EYS: variants seen among roughly 807,000 people sequenced by gnomAD.
EYS encodes protein eyes shut homolog.
A neutral mutation model predicts 282.1 loss-of-function variants in EYS; 250 were observed. The observed-to-expected ratio is 0.89, with a 90% CI of 0.80 to 0.98. The LOEUF (loss-of-function observed/expected upper bound fraction) is 0.98, where lower values mean the gene tolerates loss of function less well. Ranked by LOEUF, EYS falls within the 50% of genes least tolerant of loss-of-function variation. The pLI is 0.00. For missense variants in EYS, 4,016 were observed against 3,709.0 expected (o/e 1.08, Z -2.15); for synonymous variants, 1,355 against 1,282.9 (o/e 1.06, Z -1.20).
At chr6:63,970,671 C>T (rs76155947) in intron 35 of EYS, among the ~76,000 whole-genome samples, 4,717 of 152,024 alleles carry the variant, frequency 0.031, 208 homozygotes, top group African/African-American at 0.1. Context: ...ATGGAGCACA[C>T]CTTGCTGACA....
At chr6:64,450,720 A>T (rs896708328) in intron 26 of EYS, among the ~76,000 whole-genome samples, 4 of 152,184 alleles carry the variant, frequency 2.6e-5, no homozygotes, top group Admixed American at 2.0e-4. Context: ...AAACCACTCA[A>T]CTACATGGAA....
chr6:64,576,555 G>A (rs951408237), intron 26 of EYS, among the ~76,000 whole-genome samples: 2 of 152,002 alleles, frequency 1.3e-5, no homozygotes, highest in Non-Finnish European at 2.9e-5. Context: ...TATTTATGGG[G>A]AAAGGTCTTT....
At chr6:65,320,233 A>G (rs995440112) in intron 11 of EYS, among the ~76,000 whole-genome samples, 6 of 82,174 alleles carry the variant, frequency 7.3e-5, no homozygotes, top group African/African-American at 2.3e-4. Context: ...TTGGGCTGCG[A>G]GTCAGCCAAT....
At position 64,996,001 on chromosome 6, in the gene EYS, A is replaced by G. The variant is rs1771249349; in HGVS notation, c.2259+1581T>C. On this transcript the variant is annotated intron_variant, in intron 14 of 42. Transcript: ENST00000503581. The stretch of plus-strand genomic sequence containing the variant: ...GTATGGGGTTCTTTCTTCTGTAATA[A>G]ACTCAGATTATTCCTGAAGTTACTG... Among the ~76,000 whole-genome samples the G allele has an allele frequency of 3.3e-5, 5 of 152,232 alleles. 1 individual carries two copies. The South Asian group carries it at 1.0e-3, about 32-fold the overall frequency.
chr6:64,152,329 G>T (rs1012891575), intron 31 of EYS, among the ~76,000 whole-genome samples: 1 of 152,122 alleles, frequency 6.6e-6, no homozygotes, highest in Non-Finnish European at 1.5e-5. Context: ...TTATCACTCT[G>T]GGTATTTTCT....
chr6:65,434,593 A>G (rs940023844), intron 5 of EYS, among the ~76,000 whole-genome samples: 1 of 152,172 alleles, frequency 6.6e-6, no homozygotes, highest in Non-Finnish European at 1.5e-5. Flanking sequence ...TGTTGAGATT[A>G]CAGGCATGAG....
intron 35 of EYS, among the ~76,000 whole-genome samples, chr6:63,978,334 C>T (rs1766939096): frequency 6.6e-6 from 1 of 151,920 alleles, no homozygotes; most frequent in Non-Finnish European, 1.5e-5. Context: ...TGGAGGTTCA[C>T]TGGTAAACTT....
At chr6:65,107,976 C>T (rs1033508533) in intron 12 of EYS, among the ~76,000 whole-genome samples, 24 of 151,942 alleles carry the variant, frequency 1.6e-4, no homozygotes, top group Non-Finnish European at 2.5e-4. Flanking sequence ...ATTATAAATC[C>T]TGTAAGATGA....
chr6:64,755,661 A>G (rs1772914076), intron 22 of EYS, among the ~76,000 whole-genome samples: 1 of 152,062 alleles, frequency 6.6e-6, no homozygotes, highest in Non-Finnish European at 1.5e-5. Flanking sequence ...CAAATACTGC[A>G]TGTTCTCACT....
chr6:64,079,966 CATT>C (rs1237105347), intron 32 of EYS, among the ~76,000 whole-genome samples: 4 of 152,160 alleles, frequency 2.6e-5, no homozygotes, highest in Admixed American at 2.6e-4. Context: ...TCCAGTCTAT[CATT>C]GTTGGACATT....
chr6:64,905,221 T>A (rs1378380099), intron 16 of EYS, among the ~76,000 whole-genome samples: 1 of 152,230 alleles, frequency 6.6e-6, no homozygotes, highest in African/African-American at 2.4e-5. Context: ...TTTTAAGCAA[T>A]ACATGACTGT....
chr6:64,667,413 C>T (rs1016232891), intron 22 of EYS, among the ~76,000 whole-genome samples: 1 of 151,888 alleles, frequency 6.6e-6, no homozygotes, highest in Admixed American at 6.6e-5. Flanking sequence ...TTGGACACAA[C>T]GTGCAGATGG....
intron 29 of EYS, among the ~76,000 whole-genome samples, chr6:64,335,649 C>G (rs958917131): frequency 6.6e-6 from 1 of 151,990 alleles, no homozygotes; most frequent in African/African-American, 2.4e-5. Flanking sequence ...TTCAGTCTCT[C>G]CAGTCTTTGA....
Position 64,399,317 on chromosome 6 carries a change from C to T in EYS, c.5928-10477G>A, listed in dbSNP as rs943614614. On this transcript the variant is annotated intron_variant, in intron 28 of 42. Transcript: ENST00000503581. ...AAATTTACCCAACATCCACACTTGG[C>T]TTTTATAATTATATCAATTGACCTA... is the stretch of plus-strand genomic sequence containing the variant. Among the ~76,000 whole-genome samples the T allele has an allele frequency of 5.3e-5, 8 of 151,788 alleles. No homozygotes were observed. In the East Asian group the frequency reaches 1.4e-3, roughly 26 times the overall value.
intron 35 of EYS, among the ~76,000 whole-genome samples, chr6:63,909,692 C>T (rs1773866029): frequency 6.6e-6 from 1 of 152,210 alleles, no homozygotes; most frequent in Non-Finnish European, 1.5e-5. Flanking sequence ...CCTTTACTAA[C>T]ACGCCGCTTC....
Position 65,075,797 on chromosome 6 carries a change from C to A in EYS, c.2024-18070G>T, listed in dbSNP as rs997623563. Among the ~76,000 whole-genome samples, 40 of 151,880 alleles carry A rather than the reference C, an allele frequency of 2.6e-4. 1 individual carries two copies. Among genetic ancestry groups the A allele is most frequent in the African/African-American group, 9.7e-4 (40 of 41,404 alleles). The stretch of plus-strand genomic sequence containing the variant: ...AGAATTGTTAACATGTCAATTCTAA[C>A]CTCTAGTGAGTTGAAAAGTTTCATT... On this transcript the variant is annotated intron_variant, in intron 12 of 42. Coordinates refer to ENST00000503581, the MANE Select transcript of EYS (RefSeq NM_001142800.2).
intron 22 of EYS, among the ~76,000 whole-genome samples, chr6:64,725,342 T>C (rs1771717752): frequency 6.6e-6 from 1 of 152,088 alleles, no homozygotes; most frequent in South Asian, 2.1e-4. Flanking sequence ...GTTTCATGTT[T>C]TGAGTTACTT....
chr6:64,398,975 T>C (rs951358429), intron 28 of EYS, among the ~76,000 whole-genome samples: 5 of 151,846 alleles, frequency 3.3e-5, no homozygotes, highest in Admixed American at 3.3e-4. Context: ...TGAGGGAGAA[T>C]ATAGCTTCCA....
chr6:65,035,220 C>T (rs1772729871), intron 13 of EYS, among the ~76,000 whole-genome samples: 1 of 151,994 alleles, frequency 6.6e-6, no homozygotes, highest in Non-Finnish European at 1.5e-5. Flanking sequence ...CTTCAAAATA[C>T]TAAGATCCAT....
Sources: allele counts gnomAD v4.1 joint callset (sites outside exome capture counted in the v4.1 genomes callset), GRCh38; gene constraint gnomAD v4.1.1; transcripts MANE v1.5; gene names NCBI Gene and HGNC (gene_info 2026-07-23, HGNC 2026-07-21).